PTPRM: variants seen among roughly 807,000 people sequenced by gnomAD.
PTPRM encodes receptor-type tyrosine-protein phosphatase mu.
In PTPRM, 47 loss-of-function variants were observed where a neutral mutation model predicts 186.7. The observed-to-expected ratio is 0.25, with a 90% CI of 0.20 to 0.32. The LOEUF (loss-of-function observed/expected upper bound fraction) is 0.32, where lower values mean the gene tolerates loss of function less well. Among genes scored for constraint, PTPRM ranks in the 10% least tolerant of loss-of-function variants. PTPRM has a pLI of 1.00. For missense variants in PTPRM, 1,494 were observed against 1,865.0 expected (o/e 0.80, Z 3.66); for synonymous variants, 668 against 674.9 (o/e 0.99, Z 0.16).
chr18:7,766,910 AATAC>A (rs1287155587), intron 1 of PTPRM, among the ~76,000 whole-genome samples: 1 of 152,238 alleles, frequency 6.6e-6, no homozygotes, highest in East Asian at 1.9e-4. Context: ...AAAATTAGGT[AATAC>A]ATGTTTATAT....
At chr18:8,280,736 G>A (rs974288721) in intron 19 of PTPRM, among the ~76,000 whole-genome samples, 5 of 152,256 alleles carry the variant, frequency 3.3e-5, no homozygotes, top group African/African-American at 9.6e-5. Flanking sequence ...TTCTGCCAAC[G>A]TAGAACTGCC....
At position 7,996,780 on chromosome 18, in the gene PTPRM, C is replaced by T. The variant is rs144592331; in HGVS notation, c.1132+41366C>T. Among the ~76,000 whole-genome samples the T allele has an allele frequency of 8.7e-3, 1,266 of 146,262 alleles. 20 individuals carry two copies. Among genetic ancestry groups the T allele is most frequent in the African/African-American group, 0.029 (1,167 of 39,580 alleles). The stretch of plus-strand genomic sequence containing the variant: ...CTGAAAATGAAATCAAGAAAGCTAT[C>T]GCATTTACAGTAGTTACCAAAAAAA... On this transcript the variant is annotated intron_variant, in intron 7 of 32. Coordinates refer to ENST00000580170, the MANE Select transcript of PTPRM (RefSeq NM_001105244.2).
At chr18:7,652,643 T>C (rs2038741271) in intron 1 of PTPRM, among the ~76,000 whole-genome samples, 1 of 151,026 alleles carries the variant, frequency 6.6e-6, no homozygotes, top group East Asian at 2.0e-4. Flanking sequence ...CTCAGTAAAC[T>C]ATCGCAAGAA....
chr18:8,294,245 C>CT (rs1330045693), intron 19 of PTPRM, among the ~76,000 whole-genome samples: 1 of 152,084 alleles, frequency 6.6e-6, no homozygotes, highest in East Asian at 1.9e-4. Flanking sequence ...GGGTGAGACT[C>CT]TGTCTCAAAT....
chr18:7,741,044 G>A (rs149622531), intron 1 of PTPRM, among the ~76,000 whole-genome samples: 53 of 152,174 alleles, frequency 3.5e-4, no homozygotes, highest in Middle Eastern at 6.8e-3. Flanking sequence ...TCTTTCCCCC[G>A]TGGTGTGTGT....
Position 7,567,999 on chromosome 18 carries a change from G to A in PTPRM, c.73+108G>A. ...AGCCCTAAGGCTGGCGTCGGGGCCG[G>A]GCGGGGGGCGCGGCGGGCCGGACAC... On this transcript the variant is annotated intron_variant, in intron 1 of 32. Coordinates refer to ENST00000580170, the MANE Select transcript of PTPRM (RefSeq NM_001105244.2). The surrounding 1 kb of genome is among the most constrained non-coding windows in gnomAD (Gnocchi z 4.3). The A allele has an allele frequency of 9.2e-7, 1 of 1,090,640 alleles. No homozygotes were observed. The highest frequency in any genetic ancestry group is 3.4e-5 in the East Asian group (1 of 29,736). 67.6% of individuals were successfully genotyped at this position (1,090,640 alleles called of 1,614,324 possible).
chr18:7,616,794 G>C (rs2037816405), intron 1 of PTPRM, among the ~76,000 whole-genome samples: 1 of 152,168 alleles, frequency 6.6e-6, no homozygotes, highest in Admixed American at 6.5e-5. Context: ...CTTCCCACTT[G>C]GGGTGGGAGG....
intron 13 of PTPRM, among the ~76,000 whole-genome samples, chr18:8,135,282 G>A (rs1453274278): frequency 2.0e-5 from 3 of 152,118 alleles, no homozygotes; most frequent in African/African-American, 4.8e-5. Flanking sequence ...AAATTGGATC[G>A]CTGAGAAAGT....
At chr18:7,735,328 G>C (rs2040746225) in intron 1 of PTPRM, among the ~76,000 whole-genome samples, 1 of 152,164 alleles carries the variant, frequency 6.6e-6, no homozygotes, top group South Asian at 2.1e-4. Context: ...ACTGAGGCAG[G>C]AGAACAGCTT....
At chr18:8,064,118 A>C (rs2088857236) in intron 7 of PTPRM, among the ~76,000 whole-genome samples, 1 of 152,180 alleles carries the variant, frequency 6.6e-6, no homozygotes, top group Non-Finnish European at 1.5e-5. Flanking sequence ...ATATGATGGA[A>C]GTTTAAATGA....
intron 1 of PTPRM, among the ~76,000 whole-genome samples, chr18:7,587,153 A>G (rs926347367): frequency 1.6e-4 from 24 of 152,182 alleles, no homozygotes; most frequent in African/African-American, 5.3e-4. Context: ...TAGTTGAATT[A>G]TCACTAGTAT....
At chr18:7,585,356 T>C (rs4798575) in intron 1 of PTPRM, among the ~76,000 whole-genome samples, 14,530 of 152,208 alleles carry the variant, frequency 0.095, 1,571 homozygotes, top group East Asian at 0.3. Context: ...GGAGAACATC[T>C]GGGAAATTGC....
intron 1 of PTPRM, among the ~76,000 whole-genome samples, chr18:7,645,727 T>C (rs1384806694): frequency 6.6e-6 from 1 of 152,314 alleles, no homozygotes; most frequent in Admixed American, 6.5e-5. Context: ...TCTGAATTTA[T>C]AATACCTGGG....
intron 14 of PTPRM, among the ~76,000 whole-genome samples, chr18:8,240,828 A>G (rs56833515): frequency 0.21 from 6,179 of 29,022 alleles, 661 homozygotes; most frequent in South Asian, 0.28. Context: ...GAGAGAGAGA[A>G]AGAAAGAAAG....
chr18:7,907,713 A>G (rs1007184148), intron 4 of PTPRM, among the ~76,000 whole-genome samples: 3 of 152,044 alleles, frequency 2.0e-5, no homozygotes, highest in Non-Finnish European at 4.4e-5. Flanking sequence ...CTCAACTTTT[A>G]CTGAGAAACA....
At chr18:7,701,816 G>A (rs1349883954) in intron 1 of PTPRM, among the ~76,000 whole-genome samples, 2 of 151,942 alleles carry the variant, frequency 1.3e-5, no homozygotes, top group Non-Finnish European at 2.9e-5. Context: ...CCATCAACCC[G>A]TCATCTACAT....
At chr18:8,323,330 G>C (rs570083401) in intron 22 of PTPRM, among the ~76,000 whole-genome samples, 2 of 152,064 alleles carry the variant, frequency 1.3e-5, no homozygotes, top group Admixed American at 1.3e-4. Flanking sequence ...CTCAGGCCTG[G>C]TGTGGTCTTT....
chr18:8,234,281 C>T (rs1401442136), intron 14 of PTPRM, among the ~76,000 whole-genome samples: 2 of 152,084 alleles, frequency 1.3e-5, no homozygotes, highest in African/African-American at 4.8e-5. Context: ...TACAGTTTTC[C>T]TCTATACTTT....
rs752110255 is a variant in PTPRM at position 8,126,027 on chromosome 18, A to ATTTTTTTTTTT, written c.2167+11204_2167+11205insTTTTTTTTTTT. Among the ~76,000 whole-genome samples, 356 of 69,438 alleles carry ATTTTTTTTTTT rather than the reference A, an allele frequency of 5.1e-3. 31 individuals are homozygous for ATTTTTTTTTTT. Among genetic ancestry groups the ATTTTTTTTTTT allele is most frequent in the South Asian group, 8.3e-3 (15 of 1,802 alleles). 45.6% of individuals were successfully genotyped at this position (69,438 alleles called of 152,430 possible). On this transcript the variant is annotated intron_variant, in intron 13 of 32. Coordinates refer to ENST00000580170, the MANE Select transcript of PTPRM (RefSeq NM_001105244.2). ...TATATATATATATATATATATATAT[A>ATTTTTTTTTTT]TTTTAAATCAGTAGACCTTTCCATT...
Sources: allele counts gnomAD v4.1 joint callset (sites outside exome capture counted in the v4.1 genomes callset), GRCh38; gene constraint gnomAD v4.1.1; non-coding constraint Gnocchi (gnomAD v3.1); transcripts MANE v1.5; gene names NCBI Gene and HGNC (gene_info 2026-07-23, HGNC 2026-07-21).